Variants in KCTD8 observed in about 807,000 individuals in gnomAD.
The protein encoded by KCTD8 is BTB/POZ domain-containing protein KCTD8.
A neutral mutation model predicts 31.5 loss-of-function variants in KCTD8; 27 were observed. That is an observed-to-expected ratio of 0.86 (90% CI 0.63 to 1.18). The LOEUF is 1.18. KCTD8 is among the 50% of genes most tolerant of loss of function. The probability of loss-of-function intolerance (pLI) is 0.00; values close to 1 mark genes in which losing one functional copy is unlikely to be tolerated. For synonymous variants in KCTD8, 290 were observed against 280.0 expected, an observed-to-expected ratio of 1.04 and a Z score of -0.36; for missense variants, 658 against 647.7, an observed-to-expected ratio of 1.02 and a Z score of -0.17.
At chr4:44,357,651 A>G (rs1719378056) in intron 1 of KCTD8, among the ~76,000 whole-genome samples, 1 of 152,156 alleles carries the variant, frequency 6.6e-6, no homozygotes, top group African/African-American at 2.4e-5. Context: ...AGAATTAGAC[A>G]TATACTTCAG....
intron 1 of KCTD8, among the ~76,000 whole-genome samples, chr4:44,392,158 T>C (rs1720391073): frequency 6.6e-6 from 1 of 151,934 alleles, no homozygotes; most frequent in Non-Finnish European, 1.5e-5. Context: ...CATTAACTCA[T>C]AAAACTAGGT....
chr4:44,309,659 G>A (rs1001115515), intron 1 of KCTD8, among the ~76,000 whole-genome samples: 3 of 152,020 alleles, frequency 2.0e-5, no homozygotes, highest in Non-Finnish European at 2.9e-5. Flanking sequence ...CTAAATTTTA[G>A]TCCTAAATAC....
At chr4:44,270,801 G>A (rs1716573990) in intron 1 of KCTD8, among the ~76,000 whole-genome samples, 1 of 152,072 alleles carries the variant, frequency 6.6e-6, no homozygotes, top group African/African-American at 2.4e-5. Context: ...TGATTTTCAT[G>A]TCAAGATGAT....
At chr4:44,179,115 A>C (rs747296639) in intron 1 of KCTD8, among the ~76,000 whole-genome samples, 1 of 152,112 alleles carries the variant, frequency 6.6e-6, no homozygotes, top group Non-Finnish European at 1.5e-5. Context: ...GATGCACTCC[A>C]TACCAAATGG....
intron 1 of KCTD8, among the ~76,000 whole-genome samples, chr4:44,386,490 T>C (rs1457157085): frequency 6.6e-6 from 1 of 151,526 alleles, no homozygotes; most frequent in Non-Finnish European, 1.5e-5. Flanking sequence ...AACAGGTATA[T>C]GAAAAGGTAG....
intron 1 of KCTD8, among the ~76,000 whole-genome samples, chr4:44,263,239 T>A (rs1031126024): frequency 3.3e-5 from 5 of 152,210 alleles, no homozygotes; most frequent in Non-Finnish European, 5.9e-5. Context: ...CATGGATTTC[T>A]GTGTTGAAAA....
intron 1 of KCTD8, among the ~76,000 whole-genome samples, chr4:44,178,050 G>A (rs1279459821): frequency 6.6e-6 from 1 of 152,146 alleles, no homozygotes; most frequent in African/African-American, 2.4e-5. Context: ...AAATAAATAG[G>A]TTTGGGGTCC....
chr4:44,271,067 G>C (rs1310361579), intron 1 of KCTD8, among the ~76,000 whole-genome samples: 3 of 152,082 alleles, frequency 2.0e-5, no homozygotes, highest in African/African-American at 7.2e-5. Context: ...ATATCACAAA[G>C]AGGCGTGAAT....
Position 44,274,938 on chromosome 4 carries a change from G to T in KCTD8, c.962-99688C>A, listed in dbSNP as rs866838264. Among the ~76,000 whole-genome samples the T allele has an allele frequency of 2.6e-5, 4 of 151,976 alleles. 1 individual carries two copies. The Middle Eastern group carries it at 0.01, about 388-fold the overall frequency. On this transcript the variant is annotated intron_variant, in intron 1 of 1. Coordinates refer to ENST00000360029, the MANE Select transcript of KCTD8 (RefSeq NM_198353.3). ...TTAATGCTGCTTTATCATTCATGCT[G>T]ATTAAAATGTTCTACATATACACAA...
intron 1 of KCTD8, among the ~76,000 whole-genome samples, chr4:44,312,540 C>T (rs552571119): frequency 3.9e-5 from 6 of 152,028 alleles, no homozygotes; most frequent in South Asian, 2.1e-4. Context: ...GAATAGCTAC[C>T]GTATGAATAC....
At chr4:44,399,783 AAAG>A (rs1189892628) in intron 1 of KCTD8, among the ~76,000 whole-genome samples, 37 of 152,338 alleles carry the variant, frequency 2.4e-4, no homozygotes, top group South Asian at 1.9e-3. Flanking sequence ...TCACACAACA[AAAG>A]AAGAAGGCCC....
chr4:44,360,738 AT>A (rs1228142442), intron 1 of KCTD8, among the ~76,000 whole-genome samples: 4 of 152,160 alleles, frequency 2.6e-5, no homozygotes, highest in Non-Finnish European at 2.9e-5. Flanking sequence ...ATTTTAAAAA[AT>A]ATACCAAATC....
intron 1 of KCTD8, among the ~76,000 whole-genome samples, chr4:44,407,343 T>C (rs1720824249): frequency 6.6e-6 from 1 of 152,020 alleles, no homozygotes; most frequent in East Asian, 1.9e-4. Flanking sequence ...TTCATTCTAC[T>C]TACTCCGATA....
At chr4:44,390,431 GTCGAAGA>G (rs1720343288) in intron 1 of KCTD8, among the ~76,000 whole-genome samples, 1 of 151,856 alleles carries the variant, frequency 6.6e-6, no homozygotes, top group Non-Finnish European at 1.5e-5. Context: ...TGTTTGCTTT[GTCGAAGA>G]TCAGTTGGCT....
At chr4:44,416,187 G>GTC (rs71188281) in intron 1 of KCTD8, among the ~76,000 whole-genome samples, 2 of 152,186 alleles carry the variant, frequency 1.3e-5, no homozygotes, top group African/African-American at 4.8e-5. Context: ...GGAGCCTACT[G>GTC]TCTCTCTCTT....
chr4:44,243,835 C>A (rs1715573902), intron 1 of KCTD8, among the ~76,000 whole-genome samples: 1 of 152,168 alleles, frequency 6.6e-6, no homozygotes, highest in Non-Finnish European at 1.5e-5. Context: ...CATTTTTGTC[C>A]ATTACTTTGC....
intron 1 of KCTD8, among the ~76,000 whole-genome samples, chr4:44,339,455 A>T (rs1718838480): frequency 6.6e-6 from 1 of 152,180 alleles, no homozygotes; most frequent in Non-Finnish European, 1.5e-5. Context: ...TACAAAATAA[A>T]CAGGGTCGAT....
intron 1 of KCTD8, among the ~76,000 whole-genome samples, chr4:44,402,379 A>G (rs921956546): frequency 6.6e-6 from 1 of 152,208 alleles, no homozygotes; most frequent in African/African-American, 2.4e-5. Context: ...AGTTCTTAAT[A>G]TAATATCAAT....
At chr4:44,404,905 T>C (rs1459493281) in intron 1 of KCTD8, among the ~76,000 whole-genome samples, 4 of 152,214 alleles carry the variant, frequency 2.6e-5, no homozygotes, top group Non-Finnish European at 5.9e-5. Flanking sequence ...CTCTCTTGTT[T>C]CATATAATAA....
Sources: gnomAD v4.1 joint callset for allele counts (sites outside exome capture counted in the v4.1 genomes callset) on GRCh38, gnomAD v4.1.1 for gene constraint, MANE v1.5 for transcripts, NCBI Gene and HGNC (gene_info 2026-07-23, HGNC 2026-07-21) for gene names.